TBC1D23: variants seen among roughly 807,000 people sequenced by gnomAD.
TBC1D23 encodes the protein HCV non-structural protein 4A-transactivated protein 1.
In TBC1D23, 55 loss-of-function variants were observed where a neutral mutation model predicts 91.4. That is an observed-to-expected ratio of 0.60 (90% CI 0.48 to 0.75). The LOEUF is 0.75. Ranked by LOEUF, TBC1D23 falls within the 30% of genes least tolerant of loss-of-function variation. The pLI is 0.00. For missense variants in TBC1D23, 725 were observed against 836.1 expected, an observed-to-expected ratio of 0.87 and a Z score of 1.64; for synonymous variants, 289 against 281.0, an observed-to-expected ratio of 1.03 and a Z score of -0.28.
intron 1 of TBC1D23, among the ~76,000 whole-genome samples, chr3:100,274,925 C>A (rs562983229): frequency 6.8e-6 from 1 of 146,048 alleles, no homozygotes; most frequent in South Asian, 2.4e-4. Context: ...TCATTCATCC[C>A]TCAGTGAACG....
In TBC1D23 at chr3:100,295,231, GA is replaced by G; in HGVS notation, c.725+21del. ...TGCAAAGTAAGTATCTGGTTGGTTA[GA>G]TTTTTTTTCCTCTTTTCTCAGGGTG... On this transcript the variant is annotated intron_variant, in intron 6 of 18. Coordinates refer to ENST00000394144, the MANE Select transcript of TBC1D23 (RefSeq NM_001199198.3). The G allele has an allele frequency of 1.3e-6, 2 of 1,595,204 alleles. No homozygotes were observed. Among genetic ancestry groups the G allele is most frequent in the Non-Finnish European group, 8.5e-7 (1 of 1,174,064 alleles).
chr3:100,270,542 A>G (rs1465085747), intron 1 of TBC1D23, among the ~76,000 whole-genome samples: 1 of 152,146 alleles, frequency 6.6e-6, no homozygotes, highest in Non-Finnish European at 1.5e-5. Flanking sequence ...ATTTATATAT[A>G]GGACCCTTTA....
chr3:100,279,600 A>G (rs2148853859), intron 1 of TBC1D23, 49 bp from the exon 2 acceptor site: 1 of 1,262,762 alleles, frequency 7.9e-7, no homozygotes, highest in Non-Finnish European at 1.1e-6. Flanking sequence ...CTTGAATAAG[A>G]AAAAGTATGA....
chr3:100,281,257 A>G (rs1247971116), intron 2 of TBC1D23, among the ~76,000 whole-genome samples: 1 of 152,144 alleles, frequency 6.6e-6, no homozygotes, highest in Non-Finnish European at 1.5e-5. Context: ...TTTAAATTTG[A>G]ATTCTAGTAG....
chr3:100,299,813 G>C (rs1559809801), intron 10 of TBC1D23, among the ~76,000 whole-genome samples: 1 of 152,198 alleles, frequency 6.6e-6, no homozygotes, highest in East Asian at 1.9e-4. Context: ...GCCCAGCCCA[G>C]ATACCCTTTT....
At chr3:100,277,028 G>C (rs1559801824) in intron 1 of TBC1D23, among the ~76,000 whole-genome samples, 2 of 152,206 alleles carry the variant, frequency 1.3e-5, no homozygotes, top group African/African-American at 4.8e-5. Flanking sequence ...AGGTCAGTGA[G>C]AAGCTGCTGG....
intron 17 of TBC1D23, among the ~76,000 whole-genome samples, chr3:100,319,450 C>T (rs147210170): frequency 1.5e-3 from 232 of 151,154 alleles, no homozygotes; most frequent in Middle Eastern, 3.4e-3. Flanking sequence ...CTTTTTGAGA[C>T]GGAGTTTTGC....
intron 1 of TBC1D23, among the ~76,000 whole-genome samples, chr3:100,262,723 C>CAAAAAAAAAAAAAAA: frequency 1.9e-5 from 1 of 51,412 alleles, no homozygotes; most frequent in African/African-American, 7.4e-5. Flanking sequence ...GGCTCGGTCT[C>CAAAAAAAAAAAAAAA]AAAAAAAAAA....
At chr3:100,306,074 C>A (rs898804233) in intron 12 of TBC1D23, among the ~76,000 whole-genome samples, 2 of 152,124 alleles carry the variant, frequency 1.3e-5, no homozygotes, top group African/African-American at 2.4e-5. Flanking sequence ...TATGGTATAA[C>A]AAAAGTCACA....
At chr3:100,315,254 C>T (rs1705716676) in intron 15 of TBC1D23, among the ~76,000 whole-genome samples, 1 of 150,572 alleles carries the variant, frequency 6.6e-6, no homozygotes, top group Non-Finnish European at 1.5e-5. Context: ...CCTCTGCCTC[C>T]CGGGTTCAAG....
Position 100,292,329 on chromosome 3 carries a change from C to T in TBC1D23, c.600+1628C>T, listed in dbSNP as rs111645788. Among the ~76,000 whole-genome samples, 119 of 152,276 alleles carry T rather than the reference C, an allele frequency of 7.8e-4. 1 individual carries two copies. Among genetic ancestry groups the T allele is most frequent in the African/African-American group, 2.7e-3 (113 of 41,554 alleles). The stretch of plus-strand genomic sequence containing the variant: ...GTCCTAGGAGACTATATGTTCATAT[C>T]CTTTTATTATGTATTACTTAACTTT... On this transcript the variant is annotated intron_variant, in intron 5 of 18. Coordinates refer to ENST00000394144, the MANE Select transcript of TBC1D23 (RefSeq NM_001199198.3).
At chr3:100,323,064 A>G (rs933106127) in intron 18 of TBC1D23, among the ~76,000 whole-genome samples, 1 of 152,196 alleles carries the variant, frequency 6.6e-6, no homozygotes, top group African/African-American at 2.4e-5. Context: ...AGACCTCATA[A>G]CGCCATTTTA....
At chr3:100,316,427 C>T (rs974716762) in intron 16 of TBC1D23, among the ~76,000 whole-genome samples, 1 of 151,570 alleles carries the variant, frequency 6.6e-6, no homozygotes, top group Admixed American at 6.6e-5. Context: ...GCATGTTGTG[C>T]GCATGTACCC....
intron 1 of TBC1D23, among the ~76,000 whole-genome samples, chr3:100,278,321 T>G (rs1323598842): frequency 3.3e-5 from 5 of 152,166 alleles, no homozygotes; most frequent in Non-Finnish European, 7.4e-5. Flanking sequence ...AGATTTTTAA[T>G]GTATGCTGAA....
intron 15 of TBC1D23, among the ~76,000 whole-genome samples, chr3:100,315,303 C>T (rs904694312): frequency 6.6e-6 from 1 of 151,848 alleles, no homozygotes; most frequent in African/African-American, 2.4e-5. Context: ...GCTGGAATTA[C>T]AGGCATGCGC....
In TBC1D23 at chr3:100,323,701, A is replaced by G; in HGVS notation, c.*33A>G. 1.7e-6 allele frequency: 2 copies of G among 1,202,428 alleles called. No homozygotes were observed. Among genetic ancestry groups the G allele is most frequent in the Admixed American group, 2.7e-5 (1 of 36,776 alleles). The allele number at this position is 1,202,428 out of a possible 1,614,324, so 74.5% of individuals were successfully genotyped here. A position where few individuals can be genotyped will look rare whatever the true frequency, so the allele number is the denominator to read the frequency against. On this transcript the variant is annotated 3_prime_UTR_variant, in exon 19 of 19. Transcript: ENST00000394144. ...GAAAATTATATAAAAAGAAATTAAGACAACCAAGAGAAACATGGACATATA... is the reference window on the plus strand; with the variant it reads ...GAAAATTATATAAAAAGAAATTAAGGCAACCAAGAGAAACATGGACATATA...
At chr3:100,299,427 T>C in intron 10 of TBC1D23, 96 bp downstream of exon 10, 1 of 665,620 alleles carries the variant, frequency 1.5e-6, no homozygotes, top group Non-Finnish European at 2.5e-6. Context: ...ATTTTTTTCT[T>C]TCTGCTTAAG....
At chr3:100,295,485 A>T (rs2067831163) in intron 7 of TBC1D23, 137 bp downstream of exon 7, 2 of 646,188 alleles carry the variant, frequency 3.1e-6, no homozygotes, top group Non-Finnish European at 2.6e-6. Context: ...TTATATAAAC[A>T]CTCTCCAGGT....
intron 1 of TBC1D23, among the ~76,000 whole-genome samples, chr3:100,268,517 A>G (rs556601843): frequency 4.6e-5 from 7 of 152,310 alleles, no homozygotes; most frequent in African/African-American, 1.7e-4. Flanking sequence ...TTGTTTCTTT[A>G]TAACAACTAT....
Sources: gnomAD v4.1 joint callset for allele counts (sites outside exome capture counted in the v4.1 genomes callset) on GRCh38, gnomAD v4.1.1 for gene constraint, MANE v1.5 for transcripts, NCBI Gene and HGNC (gene_info 2026-07-23, HGNC 2026-07-21) for gene names.